The following DNAH7 variants were observed in gnomAD, a reference collection of about 807,000 sequenced individuals.
The protein encoded by DNAH7 is dynein axonemal heavy chain 7.
DNAH7 carries 397 observed loss-of-function variants against 444.6 expected under a neutral mutation model. The observed-to-expected ratio is 0.89, with a 90% confidence interval of 0.82 to 0.97. The LOEUF (loss-of-function observed/expected upper bound fraction) is 0.97. Ranked by LOEUF, DNAH7 falls within the 50% of genes least tolerant of loss-of-function variation. The pLI, the probability that DNAH7 is intolerant of heterozygous loss-of-function variation, is 0.00. For missense variants in DNAH7, 4,902 were observed against 4,800.8 expected (o/e 1.02, Z -0.62); for synonymous variants, 1,636 against 1,624.4 (o/e 1.01, Z -0.17).
At position 195,828,081 on chromosome 2, in the gene DNAH7, C is replaced by A. The variant is rs372102108; in HGVS notation, c.9101-3636G>T. 3.1e-4 allele frequency among the ~76,000 whole-genome samples: 47 copies of A among 152,124 alleles called. No homozygotes were observed. The East Asian group carries it at 4.5e-3, about 14-fold the overall frequency. On this transcript the variant is annotated intron_variant, in intron 48 of 64. Coordinates refer to ENST00000312428, the MANE Select transcript of DNAH7 (RefSeq NM_018897.3). Reference sequence around the variant, plus strand: ...TAACCTGGATTATTTATAAACAAATCCTAGACATCATAAAACTTCAGCTGC... The same window carrying A: ...TAACCTGGATTATTTATAAACAAATACTAGACATCATAAAACTTCAGCTGC...
intron 35 of DNAH7, 117 bp from the exon 36 acceptor site, chr2:195,882,109 T>C: frequency 2.6e-6 from 2 of 782,076 alleles, no homozygotes; most frequent in Non-Finnish European, 4.0e-6. Flanking sequence ...ATACATTTGT[T>C]TTATCCTTTA....
At chr2:195,887,134 A>C (rs1454637347) in intron 33 of DNAH7, among the ~76,000 whole-genome samples, 1 of 150,404 alleles carries the variant, frequency 6.6e-6, no homozygotes, top group African/African-American at 2.5e-5. Flanking sequence ...TTCAAGAAAT[A>C]ACAGAAGTGC....
At chr2:195,927,361 G>C (rs1295947603) in intron 21 of DNAH7, among the ~76,000 whole-genome samples, 8 of 152,014 alleles carry the variant, frequency 5.3e-5, no homozygotes, top group African/African-American at 1.7e-4. Flanking sequence ...AACCACTCTG[G>C]ATTTCTACTC....
intron 54 of DNAH7, among the ~76,000 whole-genome samples, chr2:195,802,265 C>G (rs1167674036): frequency 2.0e-5 from 3 of 152,168 alleles, no homozygotes; most frequent in African/African-American, 7.2e-5. Flanking sequence ...GATCCCAGCA[C>G]TTTGGGAGGC....
chr2:195,964,526 GTTTTTTT>G (rs34416268), intron 17 of DNAH7, among the ~76,000 whole-genome samples: 8 of 119,078 alleles, frequency 6.7e-5, no homozygotes, highest in South Asian at 5.5e-4. Context: ...AGTTCTAATA[GTTTTTTT>G]TTTTTTTTTT....
chr2:195,948,870 T>A (rs559084606), intron 19 of DNAH7, among the ~76,000 whole-genome samples: 10 of 152,254 alleles, frequency 6.6e-5, no homozygotes, highest in African/African-American at 2.4e-4. Flanking sequence ...CTGAATCTAT[T>A]AATTACTTTG....
Position 195,799,455 on chromosome 2 carries a change from C to T in DNAH7, c.10194G>A (p.Gln3398=). 6.3e-7 allele frequency: 1 copy of T among 1,598,332 alleles called. No individual in the cohort carries two copies. The change falls in exon 55 of 65, where the codon CAG becomes CAA. Residue 3398 remains glutamine, a synonymous_variant. Coordinates refer to ENST00000312428, the MANE Select transcript of DNAH7 (RefSeq NM_018897.3). The part of the protein sequence containing the change: ...LRPDKVIPML[Q]EFIINRLGRA... ...GTCCCAATCTGTTGATTATAAATTC[C>T]TGCAACATTGGAATAACCTAGAAAG...
At chr2:195,971,072 C>T (rs1225439240) in intron 16 of DNAH7, among the ~76,000 whole-genome samples, 1 of 152,138 alleles carries the variant, frequency 6.6e-6, no homozygotes, top group Admixed American at 6.5e-5. Flanking sequence ...CTGATATACC[C>T]TTAATGTAAA....
intron 61 of DNAH7, among the ~76,000 whole-genome samples, chr2:195,762,640 A>G (rs978111470): frequency 6.6e-6 from 1 of 152,242 alleles, no homozygotes; most frequent in African/African-American, 2.4e-5. Context: ...CAAGAAGGCC[A>G]TTATATAATG....
chr2:195,840,729 C>T (rs1422604099), intron 47 of DNAH7, among the ~76,000 whole-genome samples: 1 of 151,566 alleles, frequency 6.6e-6, no homozygotes, highest in African/African-American at 2.4e-5. Context: ...TTTTAAGTAC[C>T]ACACAGAAAT....
At chr2:196,012,549 C>G (rs1463371407) in intron 10 of DNAH7, among the ~76,000 whole-genome samples, 2 of 152,028 alleles carry the variant, frequency 1.3e-5, no homozygotes, top group African/African-American at 4.8e-5. Context: ...TAGGTACAAA[C>G]CAGACACTTA....
intron 15 of DNAH7, among the ~76,000 whole-genome samples, chr2:195,974,412 TG>T (rs1311655781): frequency 6.6e-6 from 1 of 152,186 alleles, no homozygotes; most frequent in African/African-American, 2.4e-5. Flanking sequence ...TTTGCCCTTG[TG>T]GTAATAATCT....
At chr2:196,057,481 C>G (rs1453100818) in intron 2 of DNAH7, among the ~76,000 whole-genome samples, 1 of 151,896 alleles carries the variant, frequency 6.6e-6, no homozygotes, top group East Asian at 1.9e-4. Context: ...ATTTGCAGAA[C>G]TAAAAAAAAT....
intron 61 of DNAH7, among the ~76,000 whole-genome samples, chr2:195,769,756 G>A (rs1417978982): frequency 6.6e-6 from 1 of 151,998 alleles, no homozygotes; most frequent in East Asian, 1.9e-4. Context: ...TTTGTGGATA[G>A]GTTTGCATAG....
At position 196,019,185 on chromosome 2, in the gene DNAH7, C is replaced by G. The variant is rs1575034620; in HGVS notation, c.854G>C (p.Trp285Ser). 6.7e-7 allele frequency: 1 copy of G among 1,486,124 alleles called. No individual in the cohort carries two copies. The highest frequency in any genetic ancestry group is 2.4e-5 in the East Asian group (1 of 42,044). The allele number at this position is 1,486,124 out of a possible 1,614,324, so 92.1% of individuals were successfully genotyped here. A position where few individuals can be genotyped will look rare whatever the true frequency, so the allele number is the denominator to read the frequency against. ...NPTMLAVLDL[W>S]HTNFKKLRLV... Reference sequence around the variant, plus strand: ...ATATACTCACTTAAAATTAGTGTGCCACAAATCTAGTACAGCCAGCATTGT... The same window carrying G: ...ATATACTCACTTAAAATTAGTGTGCGACAAATCTAGTACAGCCAGCATTGT... The change falls in exon 9 of 65, where the codon TGG becomes TCG. Residue 285 changes from tryptophan (W) to serine (S), a missense_variant. Transcript: ENST00000312428.
chr2:195,965,938 T>C (rs1380840218), intron 17 of DNAH7, among the ~76,000 whole-genome samples: 1 of 152,126 alleles, frequency 6.6e-6, no homozygotes, highest in Non-Finnish European at 1.5e-5. Flanking sequence ...ATTGTTTTCT[T>C]CATTGCAATT....
intron 24 of DNAH7, among the ~76,000 whole-genome samples, chr2:195,916,096 G>A (rs545188280): frequency 4.6e-5 from 7 of 152,254 alleles, no homozygotes; most frequent in African/African-American, 1.4e-4. Flanking sequence ...ACAAATGGTG[G>A]TGAAACAACT....
intron 57 of DNAH7, among the ~76,000 whole-genome samples, chr2:195,787,822 C>A (rs114458940): frequency 0.011 from 1,642 of 152,158 alleles, 31 homozygotes; most frequent in African/African-American, 0.038. Context: ...GTGAAGTCGC[C>A]ACACTCCTCC....
chr2:195,938,832 T>A (rs1689231179), intron 19 of DNAH7, among the ~76,000 whole-genome samples: 1 of 152,168 alleles, frequency 6.6e-6, no homozygotes, highest in Non-Finnish European at 1.5e-5. Context: ...TGTATCTTTG[T>A]ATATGGATTT....
Sources: allele counts gnomAD v4.1 joint callset (sites outside exome capture counted in the v4.1 genomes callset), GRCh38; gene constraint gnomAD v4.1.1; transcripts MANE v1.5; gene names NCBI Gene and HGNC (gene_info 2026-07-23, HGNC 2026-07-21).